The following DPYS variants were observed in gnomAD, a reference collection of about 807,000 sequenced individuals.
The protein encoded by DPYS is dihydropyrimidine amidohydrolase.
Under a neutral mutation model 50.3 loss-of-function variants are expected in DPYS, and 39 were observed. The ratio of observed to expected loss-of-function variants is 0.78; its 90% CI spans 0.60 to 1.01. DPYS has a LOEUF of 1.01. Among genes scored for constraint, DPYS ranks in the 50% least tolerant of loss-of-function variants. The pLI is 0.00. For missense variants in DPYS, 659 were observed against 680.9 expected, an observed-to-expected ratio of 0.97 and a Z score of 0.36; for synonymous variants, 245 against 250.7, an observed-to-expected ratio of 0.98 and a Z score of 0.22.
intron 8 of DPYS, 79 bp from the exon 9 acceptor site, chr8:104,381,393 G>C: frequency 1.6e-6 from 2 of 1,267,062 alleles, no homozygotes; most frequent in South Asian, 2.4e-5. Flanking sequence ...TTTATGAATT[G>C]CGAGAGCTTT....
chr8:104,452,671 C>T (rs1339543322), intron 1 of DPYS, among the ~76,000 whole-genome samples: 1 of 151,916 alleles, frequency 6.6e-6, no homozygotes, highest in African/African-American at 2.4e-5. Flanking sequence ...GTGAAAACCC[C>T]GTCTCTACAA....
chr8:104,381,852 T>TCTCACACACACACACA (rs1554689945), intron 8 of DPYS, among the ~76,000 whole-genome samples: 2 of 123,872 alleles, frequency 1.6e-5, no homozygotes, highest in Non-Finnish European at 3.3e-5. Context: ...AGTTTTGAAA[T>TCTCACACACACACACA]CACACACACA....
rs1174020727 is a variant in DPYS at position 104,379,505 on chromosome 8, C to G, written c.*353G>C. ...AGAGCTATTTTAAAACTAATGTAACCATTTTTTTAAAAAAAGAAACTATTT... is the reference window on the plus strand; with the variant it reads ...AGAGCTATTTTAAAACTAATGTAACGATTTTTTTAAAAAAAGAAACTATTT... On this transcript the variant is annotated 3_prime_UTR_variant, in exon 10 of 10. Transcript: ENST00000351513. The G allele has an allele frequency of 6.0e-6, 1 of 167,912 alleles. No individual in the cohort carries two copies. Among genetic ancestry groups the G allele is most frequent in the Non-Finnish European group, 1.3e-5 (1 of 78,434 alleles). The allele number at this position is 167,912 out of a possible 1,614,324, so 10.4% of individuals were successfully genotyped here. A position where few individuals can be genotyped will look rare whatever the true frequency, so the allele number is the denominator to read the frequency against.
intron 1 of DPYS, among the ~76,000 whole-genome samples, chr8:104,456,401 C>T (rs1485263450): frequency 3.3e-5 from 5 of 152,152 alleles, no homozygotes; most frequent in African/African-American, 1.2e-4. Flanking sequence ...TGAAAATTCT[C>T]GGGGCTACAA....
intron 8 of DPYS, among the ~76,000 whole-genome samples, chr8:104,392,502 G>A (rs1811422011): frequency 6.6e-6 from 1 of 152,012 alleles, no homozygotes; most frequent in Admixed American, 6.6e-5. Context: ...GCCTCTTGGA[G>A]GACCCTGACT....
At chr8:104,420,945 G>A (rs1170543140) in intron 7 of DPYS, 1 of 152,158 alleles carries the variant, frequency 6.6e-6, no homozygotes, top group Non-Finnish European at 1.5e-5. Flanking sequence ...GTTCTTAGTT[G>A]ACAAAGCATT....
At chr8:104,438,804 T>C (rs2853171) in intron 4 of DPYS, among the ~76,000 whole-genome samples, 141,748 of 152,208 alleles carry the variant, frequency 0.93, 66,436 homozygotes, top group Middle Eastern at 1. Flanking sequence ...GATGTCAGGC[T>C]GGGCGTGGTG....
chr8:104,413,568 G>T (rs745321119), intron 7 of DPYS, among the ~76,000 whole-genome samples: 9 of 151,964 alleles, frequency 5.9e-5, no homozygotes, highest in Non-Finnish European at 1.3e-4. Flanking sequence ...TCTACTCAAA[G>T]AGACTTAAAA....
chr8:104,405,578 T>A (rs1205839719), intron 7 of DPYS, among the ~76,000 whole-genome samples: 1 of 152,244 alleles, frequency 6.6e-6, no homozygotes, highest in Non-Finnish European at 1.5e-5. Context: ...CTGTCAGAGC[T>A]AGAAGCTCAG....
chr8:104,456,685 TC>T (rs1186367937), intron 1 of DPYS, among the ~76,000 whole-genome samples: 1 of 152,240 alleles, frequency 6.6e-6, no homozygotes, highest in Admixed American at 6.5e-5. Flanking sequence ...TTGACTTATT[TC>T]CATTTTTATT....
At chr8:104,424,086 C>T (rs949470576) in intron 7 of DPYS, 161 bp downstream of exon 7, 2 of 977,702 alleles carry the variant, frequency 2.0e-6, no homozygotes, top group African/African-American at 3.5e-5. Context: ...GGAATATTTG[C>T]ACATCAAAAC....
chr8:104,389,546 T>TTTA (rs1564079194), intron 8 of DPYS, among the ~76,000 whole-genome samples: 11 of 152,056 alleles, frequency 7.2e-5, no homozygotes, highest in African/African-American at 1.9e-4. Context: ...TTTATTTTTT[T>TTTA]TTTTTTGTCT....
chr8:104,415,553 G>A (rs1207334980), intron 7 of DPYS, among the ~76,000 whole-genome samples: 2 of 150,094 alleles, frequency 1.3e-5, no homozygotes, highest in African/African-American at 4.9e-5. Context: ...AATCAACAAT[G>A]TTAGCTTTTT....
intron 1 of DPYS, among the ~76,000 whole-genome samples, chr8:104,461,932 A>C (rs1421480340): frequency 6.6e-6 from 1 of 152,170 alleles, no homozygotes; most frequent in Non-Finnish European, 1.5e-5. Flanking sequence ...GAAGGAAACA[A>C]ATGTTTACAC....
intron 7 of DPYS, among the ~76,000 whole-genome samples, chr8:104,415,673 A>G (rs980465772): frequency 9.2e-5 from 14 of 152,128 alleles, no homozygotes; most frequent in African/African-American, 3.1e-4. Context: ...ATAATTTTTA[A>G]AAGGTGTCAG....
chr8:104,447,854 G>A (rs1813592125), intron 2 of DPYS, among the ~76,000 whole-genome samples: 1 of 152,204 alleles, frequency 6.6e-6, no homozygotes, highest in Non-Finnish European at 1.5e-5. Context: ...AGCAACAGAA[G>A]CAATCATGGA....
intron 1 of DPYS, among the ~76,000 whole-genome samples, chr8:104,463,563 T>C (rs751106738): frequency 4.6e-5 from 7 of 152,240 alleles, no homozygotes; most frequent in Non-Finnish European, 7.3e-5. Flanking sequence ...GTTACAGCCC[T>C]AGGTGTACAA....
At chr8:104,411,304 A>G (rs921191499) in intron 7 of DPYS, among the ~76,000 whole-genome samples, 2 of 152,202 alleles carry the variant, frequency 1.3e-5, no homozygotes, top group Non-Finnish European at 2.9e-5. Context: ...CGCCTCCACC[A>G]TGTGAGGAAT....
At chr8:104,423,109 T>C (rs1422287762) in intron 7 of DPYS, among the ~76,000 whole-genome samples, 1 of 152,234 alleles carries the variant, frequency 6.6e-6, no homozygotes, top group Non-Finnish European at 1.5e-5. Context: ...CCTTGAACCA[T>C]GTCTTGTTGT....
Sources: gnomAD v4.1 joint callset for allele counts (sites outside exome capture counted in the v4.1 genomes callset) on GRCh38, gnomAD v4.1.1 for gene constraint, MANE v1.5 for transcripts, NCBI Gene and HGNC (gene_info 2026-07-23, HGNC 2026-07-21) for gene names.